The following PASK variants were observed in gnomAD, a reference collection of about 807,000 sequenced individuals.
PASK encodes the protein PAS domain-containing serine/threonine-protein kinase.
PASK carries 110 observed loss-of-function variants against 121.0 expected under a neutral mutation model. That is an observed-to-expected ratio of 0.91 (90% CI 0.78 to 1.06). The LOEUF is 1.06. PASK is among the 50% of genes least tolerant of loss of function. PASK has a pLI of 0.00. For missense variants in PASK, 1,643 were observed against 1,702.3 expected (o/e 0.97, Z 0.61); for synonymous variants, 686 against 717.8 (o/e 0.96, Z 0.71).
Position 241,146,741 on chromosome 2 carries a change from T to C in PASK, c.-43+2673A>G, listed in dbSNP as rs568468765. ...TTCTTAAATAAGAGACTGGTAAACC[T>C]AAATTTCAGGCAGGTGGTTCCCTCT... On this transcript the variant is annotated intron_variant, in intron 1 of 17. Coordinates refer to ENST00000234040, the MANE Select transcript of PASK (RefSeq NM_015148.4). 4.6e-5 allele frequency among the ~76,000 whole-genome samples: 7 copies of C among 152,334 alleles called. No individual in the cohort carries two copies. In the East Asian group the frequency reaches 1.3e-3, roughly 29 times the overall value.
chr2:241,150,179 T>C (rs2067219207), upstream of PASK: 48 of 1,276,402 alleles, frequency 3.8e-5, no homozygotes, highest in South Asian at 1.0e-3. Context: ...GTCTCTCCAC[T>C]CTGCCTAGAC....
rs547131092 is a variant in PASK, at chr2:241,125,376, G to A, written c.2719+820C>T. 2.7e-4 allele frequency among the ~76,000 whole-genome samples: 41 copies of A among 151,710 alleles called. No homozygotes were observed. The South Asian group carries it at 5.8e-3, about 22-fold the overall frequency. On this transcript the variant is annotated intron_variant, in intron 10 of 17. Coordinates refer to ENST00000234040, the MANE Select transcript of PASK (RefSeq NM_015148.4). ...AGCATTTTGGGAAGCCGAGGCGGGC[G>A]GATCACGACGTCAGGAGAACGAGAC...
intron 12 of PASK, among the ~76,000 whole-genome samples, chr2:241,119,316 G>T (rs3771351): frequency 6.6e-6 from 1 of 152,014 alleles, no homozygotes; most frequent in Non-Finnish European, 1.5e-5. Context: ...CCCTGTGCAC[G>T]CCACCCCACT....
intron 8 of PASK, among the ~76,000 whole-genome samples, chr2:241,135,274 T>C (rs1432978929): frequency 6.6e-6 from 1 of 152,170 alleles, no homozygotes; most frequent in Non-Finnish European, 1.5e-5. Flanking sequence ...AATTTAGGAA[T>C]TGCAGTCAAC....
At chr2:241,142,513 T>C (rs2066749149) in intron 2 of PASK, among the ~76,000 whole-genome samples, 1 of 152,218 alleles carries the variant, frequency 6.6e-6, no homozygotes, top group Non-Finnish European at 1.5e-5. Context: ...CTAAGTAAAA[T>C]AGCCTAACCT....
In PASK at chr2:241,115,365, T is replaced by C. The variant is rs1354343048; in HGVS notation, c.3121A>G (p.Ile1041Val). 1.9e-6 allele frequency: 3 copies of C among 1,613,748 alleles called. No individual in the cohort carries two copies. In the East Asian group the frequency reaches 6.7e-5, roughly 36 times the overall value. The change falls in exon 13 of 18, where the codon ATT (isoleucine) becomes GTT (valine). Residue 1041 changes from isoleucine to valine, a missense_variant. Physicochemically the swap from Ile to Val is conservative, Grantham distance 29. Around this residue, in one of 3 missense-constraint regions of PASK, gnomAD observed 453 missense variants for 511.2 expected, o/e 0.89. Transcript: ENST00000234040. ...ACTTTCCCAAGTTTGGGATCCTCAATCCAACAATCCTCCAAGACCTTCTCC... is the reference window on the plus strand; with the variant it reads ...ACTTTCCCAAGTTTGGGATCCTCAACCCAACAATCCTCCAAGACCTTCTCC... ...KKEKVLEDCW[I>V]EDPKLGKVTL...
chr2:241,119,296 G>C (rs1199612471), intron 12 of PASK, among the ~76,000 whole-genome samples: 1 of 152,148 alleles, frequency 6.6e-6, no homozygotes, highest in Non-Finnish European at 1.5e-5. Flanking sequence ...GCAGAGGCCT[G>C]GGCTGCGTGC....
chr2:241,114,559 A>G, intron 14 of PASK: 1 of 1,013,182 alleles, frequency 9.9e-7, no homozygotes, highest in Non-Finnish European at 1.2e-6. Flanking sequence ...GCCGAAGTTC[A>G]ATATGTAATT....
intron 9 of PASK, chr2:241,127,795 G>A: frequency 2.6e-6 from 1 of 379,106 alleles, no homozygotes; most frequent in East Asian, 6.7e-5. Flanking sequence ...CACCTGCAAG[G>A]GGAAGTCCGT....
chr2:241,147,867 C>T (rs1432990220), intron 1 of PASK, among the ~76,000 whole-genome samples: 1 of 152,102 alleles, frequency 6.6e-6, no homozygotes, highest in Non-Finnish European at 1.5e-5. Context: ...GGACCCTCTG[C>T]GGGAGCGGGG....
chr2:241,142,126 A>T (rs2066728721), intron 2 of PASK, among the ~76,000 whole-genome samples: 1 of 151,852 alleles, frequency 6.6e-6, no homozygotes, highest in South Asian at 2.1e-4. Context: ...CCTCCGCTCT[A>T]CACCCTCAGA....
intron 3 of PASK, 44 bp downstream of exon 3, chr2:241,140,477 C>A: frequency 7.3e-7 from 1 of 1,368,242 alleles, no homozygotes; most frequent in Non-Finnish European, 1.0e-6. Context: ...GCACAAACCA[C>A]AAATCCACAT....
At chr2:241,145,266 G>A (rs981044052) in intron 1 of PASK, among the ~76,000 whole-genome samples, 1 of 152,048 alleles carries the variant, frequency 6.6e-6, no homozygotes, top group Non-Finnish European at 1.5e-5. Context: ...TTTTAACTAG[G>A]AGATGAGGTC....
chr2:241,150,060 C>T (rs547896209), upstream of PASK: 5 of 1,344,982 alleles, frequency 3.7e-6, no homozygotes, highest in African/African-American at 6.0e-5. Context: ...CAGGGATGCA[C>T]GTAGGACTGG....
intron 12 of PASK, among the ~76,000 whole-genome samples, chr2:241,120,390 G>A (rs2065551799): frequency 6.6e-6 from 1 of 152,092 alleles, no homozygotes. Context: ...CTACTCAGGA[G>A]GCTAAGGCAG....
At chr2:241,149,837 G>A, upstream of PASK, 1 of 1,498,972 alleles carries the variant, frequency 6.7e-7, no homozygotes, top group South Asian at 1.3e-5. Context: ...GGCTGGGAAC[G>A]ACTTGCAAGG....
At chr2:241,149,351 C>A (rs1340402781) in intron 1 of PASK, 63 bp downstream of exon 1, 2 of 308,770 alleles carry the variant, frequency 6.5e-6, no homozygotes, top group Non-Finnish European at 1.2e-5. Context: ...GCCGCGCAGG[C>A]CCCACAGCCG....
rs753409563 is a variant in PASK at position 241,108,228 on chromosome 2, G to A, written c.3606C>T (p.Pro1202=). The A allele has an allele frequency of 1.2e-6, 2 of 1,614,026 alleles. No homozygotes were observed. Among genetic ancestry groups the A allele is most frequent in the East Asian group, 4.5e-5 (2 of 44,878 alleles). Residue 1202 remains proline, a synonymous_variant, in exon 16 of 18, where the codon CCC becomes CCT. Coordinates refer to ENST00000234040, the MANE Select transcript of PASK (RefSeq NM_015148.4). The surrounding 1 kb of genome is among the most constrained non-coding windows in gnomAD (Gnocchi z 5.2). The part of the protein sequence containing the change: ...TLYTLVFEEN[P]FCELEETVEA... The stretch of plus-strand genomic sequence containing the variant: ...CCACGGTCTCCTCCAGCTCACAGAA[G>A]GGGTTCTCCTCAAAGACCAGCGTGT...
intron 1 of PASK, among the ~76,000 whole-genome samples, chr2:241,144,932 G>C (rs1439728437): frequency 6.6e-6 from 1 of 151,932 alleles, no homozygotes; most frequent in African/African-American, 2.4e-5. Flanking sequence ...TCTTTTTTTT[G>C]AGACAGAGTC....
Sources: gnomAD v4.1 joint callset for allele counts (sites outside exome capture counted in the v4.1 genomes callset) on GRCh38, gnomAD v4.1.1 for gene constraint, gnomAD v4.1.1 regional missense constraint, Gnocchi (gnomAD v3.1) non-coding constraint, MANE v1.5 for transcripts, NCBI Gene and HGNC (gene_info 2026-07-23, HGNC 2026-07-21) for gene names.